NRAP: variants seen among roughly 807,000 people sequenced by gnomAD.
NRAP encodes nebulin-related-anchoring protein.
Under a neutral mutation model 225.9 loss-of-function variants are expected in NRAP, and 189 were observed. The observed-to-expected ratio is 0.84, with a 90% confidence interval of 0.74 to 0.94. The LOEUF is 0.94. NRAP is among the 40% of genes least tolerant of loss of function. NRAP has a pLI of 0.00. For missense variants in NRAP, 2,176 were observed against 2,168.7 expected, an observed-to-expected ratio of 1.00 and a Z score of -0.07; for synonymous variants, 769 against 790.7, an observed-to-expected ratio of 0.97 and a Z score of 0.46.
chr10:113,621,018 C>T (rs1014490604), intron 24 of NRAP, among the ~76,000 whole-genome samples: 1 of 152,172 alleles, frequency 6.6e-6, no homozygotes, highest in African/African-American at 2.4e-5. Flanking sequence ...AGCACGTCCT[C>T]ATTGTCTGCA....
At chr10:113,662,028 C>CACAAAG (rs1850710455) in intron 3 of NRAP, among the ~76,000 whole-genome samples, 1 of 152,140 alleles carries the variant, frequency 6.6e-6, no homozygotes, top group Non-Finnish European at 1.5e-5. Context: ...CAGTCTTGAG[C>CACAAAG]TGGTCAAGAC....
At chr10:113,631,738 G>T in intron 17 of NRAP, 119 bp downstream of exon 17, 1 of 887,840 alleles carries the variant, frequency 1.1e-6, no homozygotes, top group Non-Finnish European at 1.8e-6. Context: ...AAATCCAGAA[G>T]AAGATTAAAG....
intron 38 of NRAP, among the ~76,000 whole-genome samples, chr10:113,595,084 G>T (rs987620575): frequency 1.3e-5 from 2 of 152,242 alleles, no homozygotes; most frequent in Non-Finnish European, 2.9e-5. Context: ...ACAGTAGCTT[G>T]GTTATGCACG....
rs574082594 is a variant in NRAP, at chr10:113,631,966, T to C, written c.1633-2A>G. The C allele has an allele frequency of 2.5e-5, 40 of 1,578,224 alleles. No homozygotes were observed. In the South Asian group the frequency reaches 4.3e-4, roughly 17 times the overall value. On this transcript the variant is annotated splice_acceptor_variant, in intron 16 of 41. Coordinates refer to ENST00000359988, the MANE Select transcript of NRAP (RefSeq NM_198060.4). LOFTEE classifies it high-confidence loss of function. ...CTCCCAGCCTTCTTTATACTTAACC[T>C]GACAAACAAAACCACAAGTGAATAG...
Position 113,645,834 on chromosome 10 carries a change from G to A in NRAP, c.1101C>T (p.Leu367=), listed in dbSNP as rs748083484. Residue 367 remains leucine (L), a synonymous_variant, in exon 11 of 42, where the codon CTC becomes CTT. Coordinates refer to ENST00000359988, the MANE Select transcript of NRAP (RefSeq NM_198060.4). The part of the protein sequence containing the change: ...VLKQAQSVNK[L]VSEVEYKKDL... ...CTTCCCCCATACGCACCTCACTCAC[G>A]AGTTTGTTTACGCTCTGAGCCTGTT... 4 of 1,576,362 alleles carry A rather than the reference G, an allele frequency of 2.5e-6. No homozygotes were observed. Among genetic ancestry groups the A allele is most frequent in the Admixed American group, 1.7e-5 (1 of 58,610 alleles).
chr10:113,624,861 G>A lies in NRAP; in HGVS notation c.2314C>T (p.Leu772=), dbSNP rs760795488. 2.5e-5 allele frequency: 41 copies of A among 1,614,134 alleles called. 1 individual carries two copies. In the South Asian group the frequency reaches 4.5e-4, roughly 18 times the overall value. The change falls in exon 22 of 42, where the codon CTG becomes TTG. Residue 772 remains leucine, a synonymous_variant. Transcript: ENST00000359988. ...TTTGCAGCATTGGCTCGGGCCTGCA[G>A]GAAGAGAGGCTCGTCTTTGCTGATG... ...YTISKDEPLF[L]QARANAANLS...
At chr10:113,633,959 A>G (rs548775301) in intron 15 of NRAP, among the ~76,000 whole-genome samples, 153 bp downstream of exon 15, 1 of 152,284 alleles carries the variant, frequency 6.6e-6, no homozygotes, top group African/African-American at 2.4e-5. Flanking sequence ...TTCCATAATA[A>G]AAAGTTTAAA....
chr10:113,588,942 C>G lies in NRAP; in HGVS notation c.*33G>C. ...CCTGTCTCTGGTGAACAAACTTCCT[C>G]TCTGGCCTCTCAGGAATCAGGGTGG... On this transcript the variant is annotated 3_prime_UTR_variant, in exon 42 of 42. Coordinates refer to ENST00000359988, the MANE Select transcript of NRAP (RefSeq NM_198060.4). 6.4e-7 allele frequency: 1 copy of G among 1,559,276 alleles called. No individual in the cohort carries two copies.
intron 14 of NRAP, among the ~76,000 whole-genome samples, chr10:113,634,701 A>T (rs776234264): frequency 4.6e-5 from 7 of 152,230 alleles, no homozygotes; most frequent in Non-Finnish European, 4.4e-5. Context: ...CCTAGGGCTC[A>T]TTCCCAATGA....
chr10:113,621,926 A>G lies in NRAP; in HGVS notation c.2712T>C (p.Ala904=), dbSNP rs1331654289. The change falls in exon 24 of 42, where the codon GCT becomes GCC. Residue 904 remains alanine, a synonymous_variant. Coordinates refer to ENST00000359988, the MANE Select transcript of NRAP (RefSeq NM_198060.4). ...GYKTAEHHFT[A]LPTDMKVEWA... ...ATTCCACCTTCATGTCTGTGGGCAAAGCCGTAAAGTGATGTTCCGCTGTCT... is the reference window on the plus strand; with the variant it reads ...ATTCCACCTTCATGTCTGTGGGCAAGGCCGTAAAGTGATGTTCCGCTGTCT... The G allele has an allele frequency of 6.2e-7, 1 of 1,613,962 alleles. No homozygotes were observed. Among genetic ancestry groups the G allele is most frequent in the African/African-American group, 1.3e-5 (1 of 74,938 alleles).
intron 32 of NRAP, among the ~76,000 whole-genome samples, chr10:113,607,399 C>CAAAAAAAAAAAAAAAAAAAAAA (rs543627940): frequency 2.5e-4 from 17 of 68,602 alleles, no homozygotes; most frequent in African/African-American, 4.2e-4. Context: ...GAAACTCCGT[C>CAAAAAAAAAAAAAAAAAAAAAA]AAAAAAAAAA....
intron 15 of NRAP, among the ~76,000 whole-genome samples, chr10:113,633,546 G>A (rs1848690477): frequency 6.6e-6 from 1 of 152,046 alleles, no homozygotes; most frequent in Admixed American, 6.6e-5. Context: ...TGCCCACAAT[G>A]ACAAAAATCC....
chr10:113,633,142 A>G lies in NRAP; in HGVS notation c.1574T>C (p.Leu525Ser), dbSNP rs776063264. Residue 525 changes from leucine to serine, a missense_variant, in exon 16 of 42, where the codon TTG (leucine) becomes TCG (serine). Leu to Ser is a moderately radical substitution (Grantham distance 145). This residue lies in a region of NRAP where 1,708 missense variants were observed against 1,695.5 expected (regional missense o/e 1.01). Coordinates refer to ENST00000359988, the MANE Select transcript of NRAP (RefSeq NM_198060.4). ...CACCAGCTGAGGAACATCCTGGGGC[A>G]ATGTGTAATTCAACTTATTTTTCTC... is the stretch of plus-strand genomic sequence containing the variant. ...DYEKNKLNYT[L>S]PQDVPQLVKA... is the part of the protein sequence containing the mutation. The G allele has an allele frequency of 2.5e-6, 4 of 1,610,340 alleles. No homozygotes were observed. In the Admixed American group the frequency reaches 5.0e-5, roughly 20 times the overall value.
At chr10:113,641,698 G>A (rs546026920) in intron 12 of NRAP, among the ~76,000 whole-genome samples, 2 of 152,232 alleles carry the variant, frequency 1.3e-5, no homozygotes, top group South Asian at 4.2e-4. Context: ...GGAAACATGG[G>A]ATCAGATGAG....
intron 25 of NRAP, 123 bp downstream of exon 25, chr10:113,620,481 T>A: frequency 1.4e-6 from 1 of 702,606 alleles, no homozygotes; most frequent in Non-Finnish European, 2.5e-6. Context: ...GTCTGGGTTT[T>A]GAGGCCTTTC....
chr10:113,622,116 C>T lies in NRAP; in HGVS notation c.2522G>A (p.Gly841Glu), dbSNP rs980618781. ...GKLIGAKDVQ[G>E]DSQMSHSLQM... ...CAGTGAGTGGCTCATTTGCGAATCT[C>T]CCTGTACATCTTTTGCCCCAATGAG... The change falls in exon 24 of 42, where the codon GGA becomes GAA. Residue 841 changes from glycine to glutamate, a missense_variant. By Grantham distance (98) the Gly-to-Glu change is moderately conservative. Coordinates refer to ENST00000359988, the MANE Select transcript of NRAP (RefSeq NM_198060.4). 1.3e-5 allele frequency: 21 copies of T among 1,613,954 alleles called. No individual in the cohort carries two copies. Among genetic ancestry groups the T allele is most frequent in the Non-Finnish European group, 1.8e-5 (21 of 1,179,940 alleles).
intron 36 of NRAP, among the ~76,000 whole-genome samples, 166 bp from the exon 37 acceptor site, chr10:113,597,350 C>CA (rs992154411): frequency 6.7e-6 from 1 of 149,766 alleles, no homozygotes; most frequent in African/African-American, 2.5e-5. Flanking sequence ...TAAAAAGATT[C>CA]AGCTGCTTCT....
chr10:113,598,516 C>A (rs541386587), intron 35 of NRAP, among the ~76,000 whole-genome samples: 5 of 152,030 alleles, frequency 3.3e-5, no homozygotes, highest in Non-Finnish European at 7.4e-5. Context: ...GGGAGCAAAT[C>A]ACTTTAACCA....
At chr10:113,602,401 G>A (rs1009533208) in intron 35 of NRAP, among the ~76,000 whole-genome samples, 13 of 152,244 alleles carry the variant, frequency 8.5e-5, no homozygotes, top group Non-Finnish European at 1.8e-4. Flanking sequence ...TCCCTGGTTG[G>A]GCACCAGAGA....
Sources: gnomAD v4.1 joint callset for allele counts (sites outside exome capture counted in the v4.1 genomes callset) on GRCh38, gnomAD v4.1.1 for gene constraint, gnomAD v4.1.1 regional missense constraint, MANE v1.5 for transcripts, NCBI Gene and HGNC (gene_info 2026-07-23, HGNC 2026-07-21) for gene names.